NTNG1: variants seen among roughly 807,000 people sequenced by gnomAD.
NTNG1 encodes netrin G1, also known as netrin-G1.
Under a neutral mutation model 54.0 loss-of-function variants are expected in NTNG1, and 16 were observed. The observed-to-expected ratio is 0.30, with a 90% CI of 0.20 to 0.45. The LOEUF is 0.45. Ranked by LOEUF, NTNG1 falls within the 20% of genes least tolerant of loss-of-function variation. NTNG1 has a pLI of 1.00. For missense variants in NTNG1, 530 were observed against 678.7 expected (o/e 0.78, Z 2.43); for synonymous variants, 255 against 263.1 (o/e 0.97, Z 0.30).
chr1:107,235,845 G>A (rs1011738866), intron 2 of NTNG1, among the ~76,000 whole-genome samples: 23 of 152,236 alleles, frequency 1.5e-4, no homozygotes, highest in Middle Eastern at 3.4e-3. Context: ...TGCCCCTGGA[G>A]TAACTTTGGG....
chr1:107,425,613 C>T (rs1230208642), intron 5 of NTNG1, among the ~76,000 whole-genome samples: 4 of 152,094 alleles, frequency 2.6e-5, no homozygotes, highest in Non-Finnish European at 2.9e-5. Context: ...CATGACTTTG[C>T]TATCATACAT....
At chr1:107,323,796 G>A (rs896292855) in intron 2 of NTNG1, among the ~76,000 whole-genome samples, 1 of 152,036 alleles carries the variant, frequency 6.6e-6, no homozygotes, top group African/African-American at 2.4e-5. Flanking sequence ...AAGGCTGAAT[G>A]TTGTATGGGG....
intron 5 of NTNG1, among the ~76,000 whole-genome samples, chr1:107,419,400 T>G (rs1194472488): frequency 1.5e-5 from 2 of 132,416 alleles, no homozygotes; most frequent in Non-Finnish European, 3.4e-5. Flanking sequence ...TGACTCCTAA[T>G]GTCAAAGAAG....
intron 2 of NTNG1, among the ~76,000 whole-genome samples, chr1:107,150,805 T>C (rs1381865433): frequency 2.0e-5 from 3 of 152,222 alleles, no homozygotes; most frequent in Non-Finnish European, 1.5e-5. Context: ...TTACGGATCT[T>C]CCCATGCCTG....
chr1:107,398,201 G>A (rs1452798199), intron 4 of NTNG1, among the ~76,000 whole-genome samples: 3 of 152,160 alleles, frequency 2.0e-5, no homozygotes, highest in Non-Finnish European at 2.9e-5. Flanking sequence ...TGACGAGTTA[G>A]TGGGTGCAGT....
intron 6 of NTNG1, among the ~76,000 whole-genome samples, chr1:107,436,284 C>T (rs1675587924): frequency 6.6e-6 from 1 of 152,158 alleles, no homozygotes; most frequent in Admixed American, 6.5e-5. Flanking sequence ...AATGGCTAAG[C>T]CCATTTGAAT....
At chr1:107,422,486 C>T (rs1421478853) in intron 5 of NTNG1, among the ~76,000 whole-genome samples, 1 of 152,072 alleles carries the variant, frequency 6.6e-6, no homozygotes, top group Non-Finnish European at 1.5e-5. Context: ...GGTCCAGACA[C>T]ATTCCTGGGG....
At chr1:107,351,627 A>G (rs779585860) in intron 3 of NTNG1, among the ~76,000 whole-genome samples, 19 of 152,196 alleles carry the variant, frequency 1.2e-4, no homozygotes, top group Admixed American at 2.0e-4. Flanking sequence ...AGATTTGGGC[A>G]GGGACACAGA....
intron 3 of NTNG1, among the ~76,000 whole-genome samples, chr1:107,334,771 A>G (rs1668483603): frequency 6.6e-6 from 1 of 152,034 alleles, no homozygotes; most frequent in Non-Finnish European, 1.5e-5. Flanking sequence ...CGTGCCTACA[A>G]CTAGGCCTGG....
At chr1:107,415,951 G>T (rs1674170044) in intron 5 of NTNG1, among the ~76,000 whole-genome samples, 1 of 152,238 alleles carries the variant, frequency 6.6e-6, no homozygotes, top group South Asian at 2.1e-4. Flanking sequence ...AGAATAAAAA[G>T]TAAAATTACT....
chr1:107,417,800 A>T (rs1674317340), intron 5 of NTNG1, among the ~76,000 whole-genome samples: 1 of 152,118 alleles, frequency 6.6e-6, no homozygotes. Context: ...AAAATAGTTT[A>T]AAAACATTAA....
intron 5 of NTNG1, among the ~76,000 whole-genome samples, chr1:107,427,773 T>C (rs137903240): frequency 1.4e-4 from 22 of 152,226 alleles, no homozygotes; most frequent in African/African-American, 4.6e-4. Flanking sequence ...TCATTTGAAA[T>C]AAATTTATAC....
chr1:107,425,342 C>G (rs1674832340), intron 5 of NTNG1, among the ~76,000 whole-genome samples: 1 of 151,890 alleles, frequency 6.6e-6, no homozygotes, highest in Non-Finnish European at 1.5e-5. Context: ...CAAACATCCC[C>G]CATTTTAGAG....
intron 7 of NTNG1, among the ~76,000 whole-genome samples, chr1:107,475,817 T>G (rs1430456292): frequency 6.6e-6 from 1 of 152,150 alleles, no homozygotes; most frequent in Non-Finnish European, 1.5e-5. Flanking sequence ...GCAACATTCC[T>G]GGCCTCGCTA....
At chr1:107,221,099 A>G (rs748971962) in intron 2 of NTNG1, among the ~76,000 whole-genome samples, 14 of 152,170 alleles carry the variant, frequency 9.2e-5, no homozygotes, top group Non-Finnish European at 1.9e-4. Context: ...ATTGAGTTAT[A>G]CCATGTAAAT....
At chr1:107,383,312 C>A (rs1017078997) in intron 3 of NTNG1, among the ~76,000 whole-genome samples, 6 of 152,170 alleles carry the variant, frequency 3.9e-5, no homozygotes, top group African/African-American at 1.4e-4. Flanking sequence ...CCCAAGAGAG[C>A]ATTAGGTTTA....
At chr1:107,379,468 T>C (rs1038306143) in intron 3 of NTNG1, among the ~76,000 whole-genome samples, 4 of 152,100 alleles carry the variant, frequency 2.6e-5, no homozygotes, top group African/African-American at 9.7e-5. Context: ...TCATGAGAGA[T>C]AAAAACATGA....
At chr1:107,190,370 A>T (rs752160114) in intron 2 of NTNG1, among the ~76,000 whole-genome samples, 93 of 152,128 alleles carry the variant, frequency 6.1e-4, no homozygotes, top group Non-Finnish European at 1.6e-4. Context: ...AAAGAGCAAG[A>T]TGTCTTAGAA....
chr1:107,148,960 G>A (rs1231821658), intron 2 of NTNG1, 121 bp downstream of exon 2: 1 of 962,580 alleles, frequency 1.0e-6, no homozygotes, highest in South Asian at 1.6e-5. Context: ...TGGCAGATTT[G>A]TGTTAACAGG....
Sources: allele counts gnomAD v4.1 joint callset (sites outside exome capture counted in the v4.1 genomes callset), GRCh38; gene constraint gnomAD v4.1.1; transcripts MANE v1.5; gene names NCBI Gene and HGNC (gene_info 2026-07-23, HGNC 2026-07-21).